The following BTD variants were observed in gnomAD, a reference collection of about 807,000 sequenced individuals.
BTD encodes biotinidase.
Under a neutral mutation model 17.7 loss-of-function variants are expected in BTD, and 13 were observed. The observed-to-expected ratio is 0.74, with a 90% CI of 0.48 to 1.17. The LOEUF is 1.17. BTD is among the 50% of genes most tolerant of loss of function. The pLI, the probability that BTD is intolerant of heterozygous loss-of-function variation, is 0.00. For missense variants in BTD, 674 were observed against 650.4 expected, an observed-to-expected ratio of 1.04 and a Z score of -0.39; for synonymous variants, 240 against 245.2, an observed-to-expected ratio of 0.98 and a Z score of 0.20.
At chr3:15,693,290 A>C (rs1039611569) in intron 3 of BTD, among the ~76,000 whole-genome samples, 3 of 152,110 alleles carry the variant, frequency 2.0e-5, no homozygotes, top group Admixed American at 6.5e-5. Context: ...CCATATACAC[A>C]TACAAAATCT....
At chr3:15,607,105 A>C (rs1244603722) in intron 1 of BTD, among the ~76,000 whole-genome samples, 3 of 152,046 alleles carry the variant, frequency 2.0e-5, no homozygotes, top group Non-Finnish European at 2.9e-5. Flanking sequence ...AATTTCTCAG[A>C]GGCCCTCTGT....
At position 15,650,419 on chromosome 3, in the gene BTD, T is replaced by C. The variant is rs1367299135; in HGVS notation, c.*4931T>C. ...CATTTTCCTTCTCATTCTCTTCATC[T>C]TTTTCTTTTTGTTTGAGCAAAAAAA... On this transcript the variant is annotated 3_prime_UTR_variant, in exon 4 of 4. Transcript: ENST00000643237. Among the ~76,000 whole-genome samples, 3 of 124,338 alleles carry C rather than the reference T, an allele frequency of 2.4e-5. No homozygotes were observed. The highest frequency in any genetic ancestry group is 4.9e-5 in the Non-Finnish European group (3 of 60,692). The allele number at this position is 124,338 out of a possible 152,430, so 81.6% of individuals were successfully genotyped here.
At chr3:15,709,432 G>A (rs1376233475) in intron 3 of BTD, among the ~76,000 whole-genome samples, 1 of 152,200 alleles carries the variant, frequency 6.6e-6, no homozygotes, top group East Asian at 1.9e-4. Context: ...AAGTATAGAG[G>A]CATTTATAAG....
rs993236152 is a variant in BTD at position 15,647,929 on chromosome 3, A to G, written c.*2441A>G. ...AAACCAGGCCTCCTCACAGACTGCC[A>G]AGTCCCAGAGCCCACCATGTCTGCT... On this transcript the variant is annotated 3_prime_UTR_variant, in exon 4 of 4. Transcript: ENST00000643237. Among the ~76,000 whole-genome samples the G allele has an allele frequency of 7.2e-5, 11 of 152,192 alleles. No homozygotes were observed. The highest frequency in any genetic ancestry group is 7.2e-4 in the Admixed American group (11 of 15,282).
At position 15,601,817 on chromosome 3, in the gene BTD, C is replaced by T. The variant is rs114567021; in HGVS notation, c.-94C>T. 3.4e-3 allele frequency: 5,437 copies of T among 1,614,156 alleles called. 124 individuals are homozygous for T. The African/African-American group carries it at 0.053, about 16-fold the overall frequency. ...CCTCTCGCCATTGTCTCCGAGTCGG[C>T]CAGCTGGAGCGTTTTCGGGGCTGTA... On this transcript the variant is annotated 5_prime_UTR_variant, in exon 1 of 4. Transcript: ENST00000643237.
Position 15,613,996 on chromosome 3 carries a change from A to T in BTD, c.-17+12102A>T, listed in dbSNP as rs527767613. Among the ~76,000 whole-genome samples the T allele has an allele frequency of 6.0e-5, 9 of 150,776 alleles. No homozygotes were observed. In the South Asian group the frequency reaches 1.9e-3, roughly 32 times the overall value. On this transcript the variant is annotated intron_variant, in intron 1 of 3. Coordinates refer to ENST00000643237, the MANE Select transcript of BTD (RefSeq NM_001370658.1). Reference sequence around the variant, plus strand: ...TCTGGTTTCTTTATGTTGTGTATAGATTTCTTTTTGGTTGTCTTGAATCTA... The same window carrying T: ...TCTGGTTTCTTTATGTTGTGTATAGTTTTCTTTTTGGTTGTCTTGAATCTA...
Position 15,695,314 on chromosome 3 carries a change from G to A in BTD, c.400-14746G>A, listed in dbSNP as rs180952262. On this transcript the variant is annotated intron_variant, in intron 3 of 3. Transcript: ENST00000672141. ...CTTTGCTAACTTTTACCCTAAACCCGTGCTTCCTTTGGCTCCAAAAAATTA... is the reference window on the plus strand; with the variant it reads ...CTTTGCTAACTTTTACCCTAAACCCATGCTTCCTTTGGCTCCAAAAAATTA... 5.3e-4 allele frequency: 460 copies of A among 872,846 alleles called. 2 individuals are homozygous for A. The Middle Eastern group carries it at 5.8e-3, about 11-fold the overall frequency. The allele number at this position is 872,846 out of a possible 1,614,324, so 54.1% of individuals were successfully genotyped here. A position where few individuals can be genotyped will look rare whatever the true frequency, so the allele number is the denominator to read the frequency against.
Position 15,643,046 on chromosome 3 carries a change from A to T in BTD, c.399+989A>T, listed in dbSNP as rs1235162431. ...CTGCCTCAAAAAAAAAAAAAAAAAT[A>T]AAATAAAATAAAGAAATGGAATCCC... is the stretch of plus-strand genomic sequence containing the variant. On this transcript the variant is annotated intron_variant, in intron 3 of 3. Transcript: ENST00000643237. Among the ~76,000 whole-genome samples, 57 of 66,232 alleles carry T rather than the reference A, an allele frequency of 8.6e-4. 1 individual carries two copies. Among genetic ancestry groups the T allele is most frequent in the Middle Eastern group, 6.5e-3 (1 of 154 alleles). The allele number at this position is 66,232 out of a possible 152,430, so 43.5% of individuals were successfully genotyped here.
chr3:15,683,479 C>G (rs532293505), intron 3 of BTD, among the ~76,000 whole-genome samples: 36 of 152,108 alleles, frequency 2.4e-4, no homozygotes, highest in Non-Finnish European at 5.0e-4. Context: ...AGAAGTTAAA[C>G]CCCAAAGGTT....
intron 3 of BTD, among the ~76,000 whole-genome samples, chr3:15,704,683 T>C (rs947884175): frequency 2.0e-5 from 3 of 152,084 alleles, no homozygotes; most frequent in African/African-American, 4.8e-5. Context: ...TTGGGTACAA[T>C]TGTACCCAAT....
At chr3:15,630,960 A>G (rs2065189764) in intron 1 of BTD, among the ~76,000 whole-genome samples, 1 of 152,232 alleles carries the variant, frequency 6.6e-6, no homozygotes. Context: ...ACAATCAGAT[A>G]ACAAGAGGCA....
At chr3:15,712,193 T>C in exon 4 of BTD, 2 of 1,586,318 alleles carry the variant, frequency 1.3e-6, no homozygotes, top group Non-Finnish European at 1.7e-6. Context: ...GGCTGCCAAA[T>C]GGAGGGGGAA....
intron 4 of BTD, among the ~76,000 whole-genome samples, chr3:15,717,823 C>T (rs2073251128): frequency 6.6e-6 from 1 of 152,156 alleles, no homozygotes; most frequent in Admixed American, 6.6e-5. Context: ...ATTCATTTTA[C>T]CTCTACCACT....
chr3:15,676,137 G>T (rs1006386550), intron 3 of BTD: 3 of 530,230 alleles, frequency 5.7e-6, no homozygotes, highest in Non-Finnish European at 9.9e-6. Flanking sequence ...CAAAGATGGG[G>T]GCAGGGAGAG....
At chr3:15,694,777 A>C in intron 3 of BTD, 1 of 1,613,564 alleles carries the variant, frequency 6.2e-7, no homozygotes, top group Non-Finnish European at 8.5e-7. Flanking sequence ...CTATTATCTG[A>C]ATCACTCAGC....
intron 1 of BTD, among the ~76,000 whole-genome samples, chr3:15,623,327 T>A (rs1411078383): frequency 2.0e-5 from 3 of 152,236 alleles, no homozygotes; most frequent in African/African-American, 7.2e-5. Flanking sequence ...CAACATATAG[T>A]TGAGTCATGT....
chr3:15,640,260 G>T (rs2065461126), intron 2 of BTD, among the ~76,000 whole-genome samples: 1 of 152,326 alleles, frequency 6.6e-6, no homozygotes, highest in South Asian at 2.1e-4. Context: ...ACACTATGCA[G>T]ATGGTCACCA....
At chr3:15,694,594 A>T in intron 3 of BTD, 1 of 522,058 alleles carries the variant, frequency 1.9e-6, no homozygotes, top group Non-Finnish European at 3.2e-6. Flanking sequence ...TCTCTGAATT[A>T]AAGAAAGTTC....
chr3:15,625,426 T>C (rs2065041765), intron 1 of BTD, among the ~76,000 whole-genome samples: 1 of 152,204 alleles, frequency 6.6e-6, no homozygotes, highest in Admixed American at 6.5e-5. Flanking sequence ...CATGGGAGGA[T>C]TTTTTTCTCC....
Sources: allele counts gnomAD v4.1 joint callset (sites outside exome capture counted in the v4.1 genomes callset), GRCh38; gene constraint gnomAD v4.1.1; transcripts MANE v1.5; gene names NCBI Gene and HGNC (gene_info 2026-07-23, HGNC 2026-07-21).